ARHGEF12: variants seen among roughly 807,000 people sequenced by gnomAD.
The protein encoded by ARHGEF12 is Rho guanine nucleotide exchange factor 12.
In ARHGEF12, 66 loss-of-function variants were observed where a neutral mutation model predicts 211.2. That is an observed-to-expected ratio of 0.31 (90% CI 0.26 to 0.38). ARHGEF12 has a LOEUF of 0.38. ARHGEF12 is among the 10% of genes least tolerant of loss of function. The pLI is 1.00. For synonymous variants in ARHGEF12, 592 were observed against 638.4 expected (o/e 0.93, Z 1.09); for missense variants, 1,429 against 1,869.5 (o/e 0.76, Z 4.34).
chr11:120,409,681 C>T (rs192089763), intron 4 of ARHGEF12: 81 of 413,966 alleles, frequency 2.0e-4, no homozygotes, highest in Admixed American at 7.9e-5. Context: ...GAGTAGGCCA[C>T]ATTGCCCATC....
intron 11 of ARHGEF12, among the ~76,000 whole-genome samples, chr11:120,436,257 TA>T (rs1945690131): frequency 6.6e-6 from 1 of 152,358 alleles, no homozygotes; most frequent in Non-Finnish European, 1.5e-5. Context: ...AGAATTATTC[TA>T]ATCTTTTATA....
intron 1 of ARHGEF12, among the ~76,000 whole-genome samples, chr11:120,347,183 C>T (rs7117038): frequency 0.66 from 66,636 of 100,274 alleles, 21,624 homozygotes; most frequent in African/African-American, 0.76. Flanking sequence ...TTCCTTCCTT[C>T]CTTTCTTTCT....
intron 6 of ARHGEF12, among the ~76,000 whole-genome samples, chr11:120,423,760 G>C (rs1364684899): frequency 6.6e-6 from 1 of 151,994 alleles, no homozygotes; most frequent in African/African-American, 2.4e-5. Flanking sequence ...TTTTTACACT[G>C]ATATATTTGT....
intron 13 of ARHGEF12, among the ~76,000 whole-genome samples, chr11:120,441,381 A>C (rs1243223833): frequency 9.2e-5 from 14 of 152,176 alleles, no homozygotes; most frequent in Non-Finnish European, 1.9e-4. Flanking sequence ...ATGATTGGGC[A>C]AAAAGCCTTC....
intron 15 of ARHGEF12, among the ~76,000 whole-genome samples, chr11:120,444,606 A>G (rs1945989153): frequency 6.6e-6 from 1 of 152,236 alleles, no homozygotes; most frequent in Non-Finnish European, 1.5e-5. Context: ...TTAAAACTTC[A>G]GATCTTATAG....
At chr11:120,368,236 T>C (rs1463830717) in intron 1 of ARHGEF12, among the ~76,000 whole-genome samples, 1 of 152,150 alleles carries the variant, frequency 6.6e-6, no homozygotes, top group Non-Finnish European at 1.5e-5. Flanking sequence ...AACAACATCA[T>C]CTTATATCAT....
intron 8 of ARHGEF12, 131 bp downstream of exon 8, chr11:120,428,378 TA>T: frequency 1.3e-6 from 1 of 756,642 alleles, no homozygotes. Context: ...TTTACTAATA[TA>T]AAAATTACAT....
At chr11:120,476,493 T>C (rs1947036527) in intron 33 of ARHGEF12, 168 bp from the exon 34 acceptor site, 3 of 450,832 alleles carry the variant, frequency 6.7e-6, no homozygotes. Context: ...ATAAATACGT[T>C]AATATGGTAA....
chr11:120,386,234 C>G (rs1051371474), intron 1 of ARHGEF12, among the ~76,000 whole-genome samples: 1 of 152,094 alleles, frequency 6.6e-6, no homozygotes, highest in Non-Finnish European at 1.5e-5. Flanking sequence ...GCTGTAAATA[C>G]AGGAACCAAG....
At chr11:120,482,173 G>A (rs544910678) in intron 39 of ARHGEF12, among the ~76,000 whole-genome samples, 2 of 152,186 alleles carry the variant, frequency 1.3e-5, no homozygotes, top group Non-Finnish European at 2.9e-5. Context: ...TAGTTGGCTG[G>A]CCTCTGTCAG....
At chr11:120,351,146 G>A (rs190620141) in intron 1 of ARHGEF12, among the ~76,000 whole-genome samples, 53 of 151,434 alleles carry the variant, frequency 3.5e-4, no homozygotes, top group African/African-American at 1.2e-3. Context: ...TCAGGAAATC[G>A]AGACCATTCT....
At chr11:120,380,259 T>C (rs1943841628) in intron 1 of ARHGEF12, among the ~76,000 whole-genome samples, 1 of 152,174 alleles carries the variant, frequency 6.6e-6, no homozygotes, top group Admixed American at 6.5e-5. Flanking sequence ...ACACCTAGTT[T>C]TCCTGATTGC....
chr11:120,405,800 A>C (rs1173177906), intron 1 of ARHGEF12: 1 of 211,074 alleles, frequency 4.7e-6, no homozygotes, highest in Admixed American at 5.9e-5. Flanking sequence ...GAGATAATAC[A>C]TGTGGAAATA....
intron 11 of ARHGEF12, among the ~76,000 whole-genome samples, chr11:120,435,955 A>G (rs1022871913): frequency 2.6e-5 from 4 of 152,216 alleles, no homozygotes; most frequent in Non-Finnish European, 4.4e-5. Context: ...ATGTTACAAA[A>G]AATGATTTCC....
intron 27 of ARHGEF12, among the ~76,000 whole-genome samples, chr11:120,461,984 C>CCA (rs57148752): frequency 0.22 from 32,830 of 152,126 alleles, 3,755 homozygotes; most frequent in South Asian, 0.24. Flanking sequence ...TTTATACAGA[C>CCA]TAATAGGCTG....
At chr11:120,371,547 CT>C (rs1943589578) in intron 1 of ARHGEF12, among the ~76,000 whole-genome samples, 1 of 152,158 alleles carries the variant, frequency 6.6e-6, no homozygotes, top group South Asian at 2.1e-4. Flanking sequence ...ATTATTTTGA[CT>C]CTTAAAGATT....
At chr11:120,370,198 AT>A (rs1943551825) in intron 1 of ARHGEF12, among the ~76,000 whole-genome samples, 1 of 152,180 alleles carries the variant, frequency 6.6e-6, no homozygotes, top group Admixed American at 6.5e-5. Flanking sequence ...ATTGAGTTTT[AT>A]TCTTTCATGT....
intron 2 of ARHGEF12, among the ~76,000 whole-genome samples, chr11:120,406,651 C>T (rs561055367): frequency 8.5e-5 from 13 of 152,282 alleles, no homozygotes; most frequent in South Asian, 2.1e-4. Flanking sequence ...CACCGCCTCC[C>T]GGGTTCACAC....
intron 29 of ARHGEF12, 52 bp downstream of exon 29, chr11:120,467,360 C>A: frequency 9.3e-7 from 1 of 1,075,996 alleles, no homozygotes; most frequent in Non-Finnish European, 1.4e-6. Context: ...CAACGAAACA[C>A]CCAATATCCT....
Sources: gnomAD v4.1 joint callset for allele counts (sites outside exome capture counted in the v4.1 genomes callset) on GRCh38, gnomAD v4.1.1 for gene constraint, MANE v1.5 for transcripts, NCBI Gene and HGNC (gene_info 2026-07-23, HGNC 2026-07-21) for gene names.